The following PRDX3 variants were observed in gnomAD, a reference collection of about 807,000 sequenced individuals.
PRDX3 encodes the protein thioredoxin-dependent peroxide reductase, mitochondrial.
Under a neutral mutation model 30.4 loss-of-function variants are expected in PRDX3, and 20 were observed. That is an observed-to-expected ratio of 0.66 (90% CI 0.46 to 0.96). The LOEUF (loss-of-function observed/expected upper bound fraction) is 0.96, where lower values mean the gene tolerates loss of function less well. PRDX3 is among the 40% of genes least tolerant of loss of function. PRDX3 has a pLI of 0.00. For synonymous variants in PRDX3, 124 were observed against 117.8 expected (o/e 1.05, Z -0.34); for missense variants, 322 against 318.3 (o/e 1.01, Z -0.09).
chr10:119,174,395 C>T, intron 3 of PRDX3, 56 bp downstream of exon 3: 2 of 1,530,068 alleles, frequency 1.3e-6, no homozygotes, highest in South Asian at 1.3e-5. Context: ...AGTGTGGGAA[C>T]AGGATATGTG....
At position 119,178,806 on chromosome 10, in the gene PRDX3, G is replaced by A; in HGVS notation, c.-16C>T. ...CAGCCGCCATCTTCAGTGCACTCGG[G>A]CGCCACGGGGCGGGCAGAGACGCAG... On this transcript the variant is annotated 5_prime_UTR_variant, in exon 1 of 7. Transcript: ENST00000298510. 2 of 1,551,344 alleles carry A rather than the reference G, an allele frequency of 1.3e-6. No individual in the cohort carries two copies. The highest frequency in any genetic ancestry group is 1.7e-6 in the Non-Finnish European group (2 of 1,147,512).
At chr10:119,173,049 C>T (rs1847945329) in intron 4 of PRDX3, among the ~76,000 whole-genome samples, 1 of 152,152 alleles carries the variant, frequency 6.6e-6, no homozygotes, top group South Asian at 2.1e-4. Flanking sequence ...AGCGATTCTC[C>T]TGCCTCAGCC....
chr10:119,177,871 G>A (rs1226823042), intron 1 of PRDX3, among the ~76,000 whole-genome samples: 2 of 125,450 alleles, frequency 1.6e-5, no homozygotes, highest in Non-Finnish European at 3.2e-5. Flanking sequence ...CAAGGGACAT[G>A]TTTACTCAAC....
rs141498625 is a variant in PRDX3 at position 119,177,881 on chromosome 10, C to CTTT, written c.37-731_37-729dup. Among the ~76,000 whole-genome samples, 390 of 134,688 alleles carry CTTT rather than the reference C, an allele frequency of 2.9e-3. 2 individuals are homozygous for CTTT. The highest frequency in any genetic ancestry group is 9.1e-3 in the East Asian group (42 of 4,638). 88.4% of individuals were successfully genotyped at this position (134,688 alleles called of 152,430 possible). On this transcript the variant is annotated intron_variant, in intron 1 of 6. Transcript: ENST00000298510. ...AGGCTCAAGGGACATGTTTACTCAACTTTTTTTTTTTTTTTTTGAAACAGA... is the reference window on the plus strand; with the variant it reads ...AGGCTCAAGGGACATGTTTACTCAACTTTTTTTTTTTTTTTTTTTTGAAACAGA...
chr10:119,169,056 C>T lies in PRDX3; in HGVS notation c.717+121G>A, dbSNP rs548330358. The T allele has an allele frequency of 2.9e-6, 3 of 1,049,298 alleles. No homozygotes were observed. The Admixed American group carries it at 6.3e-5, about 22-fold the overall frequency. The allele number at this position is 1,049,298 out of a possible 1,614,324, so 65.0% of individuals were successfully genotyped here. A position where few individuals can be genotyped will look rare whatever the true frequency, so the allele number is the denominator to read the frequency against. On this transcript the variant is annotated intron_variant, in intron 6 of 6. Transcript: ENST00000298510. ...CCCTCTACCCCACAGCAGCTTCACC[C>T]ATTTGCATATCATCTGCACGCTTGC...
At chr10:119,177,941 C>T (rs1389831775) in intron 1 of PRDX3, among the ~76,000 whole-genome samples, 6 of 144,610 alleles carry the variant, frequency 4.1e-5, no homozygotes, top group African/African-American at 1.6e-4. Context: ...AGTGCAGTGG[C>T]GCGATCTCGG....
rs374436263 is a variant in PRDX3 at position 119,176,731 on chromosome 10, G to A, written c.169+290C>T. On this transcript the variant is annotated intron_variant, in intron 2 of 6. Transcript: ENST00000298510. Reference sequence around the variant, plus strand: ...GACTCAGAAGGCATCTGAGCTCCCAGTAACACCCTCCTCAACACAGTGGAT... The same window carrying A: ...GACTCAGAAGGCATCTGAGCTCCCAATAACACCCTCCTCAACACAGTGGAT... Among the ~76,000 whole-genome samples, 185 of 152,288 alleles carry A rather than the reference G, an allele frequency of 1.2e-3. 2 individuals carry two copies. Among genetic ancestry groups the A allele is most frequent in the African/African-American group, 4.2e-3 (175 of 41,540 alleles).
chr10:119,176,883 G>C, intron 2 of PRDX3, 138 bp downstream of exon 2: 1 of 996,568 alleles, frequency 1.0e-6, no homozygotes, highest in Non-Finnish European at 1.5e-6. Flanking sequence ...CTTGTCTGGG[G>C]TGGGACGGGG....
At chr10:119,177,185 T>C (rs1190979579) in intron 1 of PRDX3, 32 bp from the exon 2 acceptor site, 1 of 1,609,872 alleles carries the variant, frequency 6.2e-7, no homozygotes, top group Non-Finnish European at 8.5e-7. Flanking sequence ...TAGAAAGTTT[T>C]CCTGGACTGG....
At chr10:119,168,632 A>G in intron 6 of PRDX3, 99 bp from the exon 7 acceptor site, 2 of 1,534,798 alleles carry the variant, frequency 1.3e-6, no homozygotes. Context: ...AAAGTTCTTT[A>G]AACTTTTAAA....
At chr10:119,170,693 G>C (rs1231795892) in intron 5 of PRDX3, 1 of 151,890 alleles carries the variant, frequency 6.6e-6, no homozygotes, top group Admixed American at 6.6e-5. Flanking sequence ...CAAGAGTTTT[G>C]AGACCAGCCT....
At chr10:119,170,953 C>T (rs1229594464) in intron 5 of PRDX3, 2 of 152,044 alleles carry the variant, frequency 1.3e-5, no homozygotes, top group Admixed American at 6.6e-5. Flanking sequence ...TAAGATGCCA[C>T]TCAGCGCTAA....
chr10:119,168,782 C>A lies in PRDX3; in HGVS notation c.718-249G>T, dbSNP rs377098881. Among the ~76,000 whole-genome samples, 6 of 152,216 alleles carry A rather than the reference C, an allele frequency of 3.9e-5. No individual in the cohort carries two copies. The South Asian group carries it at 6.2e-4, about 16-fold the overall frequency. On this transcript the variant is annotated intron_variant, in intron 6 of 6. Transcript: ENST00000298510. ...CACGAGGTCAGGAGATCCAGACCAT[C>A]CTGGCTAACACGGTGAAACCCCGTC...
At chr10:119,175,039 A>T (rs1209291072) in intron 2 of PRDX3, among the ~76,000 whole-genome samples, 1 of 152,244 alleles carries the variant, frequency 6.6e-6, no homozygotes, top group Non-Finnish European at 1.5e-5. Flanking sequence ...ATCCAGATAC[A>T]GAGGGCCAAC....
intron 5 of PRDX3, chr10:119,171,122 G>A (rs1236300262): frequency 1.3e-5 from 2 of 150,928 alleles, no homozygotes; most frequent in Non-Finnish European, 1.5e-5. Context: ...CTCACTGCAA[G>A]CTCCACCTCC....
chr10:119,169,600 C>G, intron 5 of PRDX3: 1 of 341,630 alleles, frequency 2.9e-6, no homozygotes, highest in Non-Finnish European at 5.5e-6. Flanking sequence ...CACATAGTGC[C>G]CTGAATGTTA....
Position 119,174,570 on chromosome 10 carries a change from A to G in PRDX3, c.192T>C (p.Ala64=). 6 of 1,603,606 alleles carry G rather than the reference A, an allele frequency of 3.7e-6. No homozygotes were observed. Among genetic ancestry groups the G allele is most frequent in the Admixed American group, 1.8e-5 (1 of 56,388 alleles). ...FSTSSSCHAP[A]VTQHAPYFKG... Reference sequence around the variant, plus strand: ...TAAAATAGGGTGCATGCTGGGTGACAGCAGGTGCATGGCATGAGGAACCTG... The same window carrying G: ...TAAAATAGGGTGCATGCTGGGTGACGGCAGGTGCATGGCATGAGGAACCTG... Residue 64 remains alanine (A), a synonymous_variant, in exon 3 of 7, where the codon GCT becomes GCC. Transcript: ENST00000298510.
Position 119,169,235 on chromosome 10 carries a change from T to C in PRDX3, c.659A>G (p.Gln220Arg), listed in dbSNP as rs1847845302. 6.2e-7 allele frequency: 1 copy of C among 1,613,384 alleles called. No homozygotes were observed. The highest frequency in any genetic ancestry group is 1.1e-5 in the South Asian group (1 of 91,040). Reference sequence around the variant, plus strand: ...GACTTCTCCATGTGTTTCTACATACTGGAACGCCTTCACCAAGCGGAGGGT... The same window carrying C: ...GACTTCTCCATGTGTTTCTACATACCGGAACGCCTTCACCAAGCGGAGGGT... ...EETLRLVKAF[Q>R]YVETHGEVCP... Residue 220 changes from glutamine (Q) to arginine (R), a missense_variant, in exon 6 of 7, where the codon CAG becomes CGG. By Grantham distance (43) the Gln-to-Arg change is conservative (BLOSUM62 1). Transcript: ENST00000298510.
At chr10:119,172,344 G>A in intron 5 of PRDX3, 38 bp downstream of exon 5, 1 of 1,506,676 alleles carries the variant, frequency 6.6e-7, no homozygotes, top group Non-Finnish European at 9.2e-7. Context: ...TACTAAACAT[G>A]AAAAATAATC....
Sources: gnomAD v4.1 joint callset for allele counts (sites outside exome capture counted in the v4.1 genomes callset) on GRCh38, gnomAD v4.1.1 for gene constraint, MANE v1.5 for transcripts, NCBI Gene and HGNC (gene_info 2026-07-23, HGNC 2026-07-21) for gene names.